The following BCKDHB variants were observed in gnomAD, a reference collection of about 807,000 sequenced individuals.
BCKDHB encodes branched chain keto acid dehydrogenase E1 subunit beta.
In BCKDHB, 41 loss-of-function variants were observed where a neutral mutation model predicts 48.5. The ratio of observed to expected loss-of-function variants is 0.85; its 90% CI spans 0.66 to 1.10. The LOEUF (loss-of-function observed/expected upper bound fraction) is 1.10. BCKDHB is among the 50% of genes least tolerant of loss of function. The pLI, the probability that BCKDHB is intolerant of heterozygous loss-of-function variation, is 0.00. For missense variants in BCKDHB, 496 were observed against 494.2 expected (o/e 1.00, Z -0.03); for synonymous variants, 201 against 174.8 (o/e 1.15, Z -1.18).
chr6:80,114,676 G>A (rs572933440), intron 1 of BCKDHB, among the ~76,000 whole-genome samples: 1 of 152,336 alleles, frequency 6.6e-6, no homozygotes, highest in East Asian at 1.9e-4. Context: ...GTGGAGGGTA[G>A]TGCCGTTTGC....
intron 5 of BCKDHB, chr6:80,169,790 CTTA>C (rs1772801588): frequency 6.3e-7 from 1 of 1,592,840 alleles, no homozygotes; most frequent in Admixed American, 1.7e-5. Flanking sequence ...TTCTTTTTTT[CTTA>C]TTTGTTTTTT....
At chr6:80,302,888 G>T (rs4706834) in intron 9 of BCKDHB, among the ~76,000 whole-genome samples, 58,541 of 151,968 alleles carry the variant, frequency 0.39, 12,931 homozygotes, top group Admixed American at 0.56. Context: ...TGAACATATG[G>T]AATGAAGCAG....
intron 8 of BCKDHB, among the ~76,000 whole-genome samples, chr6:80,218,561 C>A (rs1021480636): frequency 6.6e-6 from 1 of 152,130 alleles, no homozygotes; most frequent in Non-Finnish European, 1.5e-5. Context: ...CTGCTGTCTT[C>A]ATCTCATATT....
chr6:80,391,342 A>C, the BCKDHB span, among the ~76,000 whole-genome samples: 1 of 152,100 alleles, frequency 6.6e-6, no homozygotes, highest in African/African-American at 2.4e-5. Context: ...TCAGTTGAGG[A>C]TCTTGAGAGG....
At chr6:80,260,651 T>C (rs1777261167) in intron 8 of BCKDHB, among the ~76,000 whole-genome samples, 1 of 152,182 alleles carries the variant, frequency 6.6e-6, no homozygotes, top group Non-Finnish European at 1.5e-5. Flanking sequence ...TCTTGACTAG[T>C]TCATTGTTTT....
chr6:80,215,551 A>C (rs2127849127), intron 8 of BCKDHB, among the ~76,000 whole-genome samples: 1 of 152,338 alleles, frequency 6.6e-6, no homozygotes, highest in East Asian at 1.9e-4. Flanking sequence ...ATATTTGTTG[A>C]ACCATCTGAA....
chr6:80,340,237 T>G (rs1487245158), intron 9 of BCKDHB, among the ~76,000 whole-genome samples: 1 of 152,232 alleles, frequency 6.6e-6, no homozygotes, highest in Non-Finnish European at 1.5e-5. Context: ...GCTTTCACAT[T>G]GCCAACAGAA....
intron 8 of BCKDHB, among the ~76,000 whole-genome samples, chr6:80,224,361 A>G (rs1775589647): frequency 6.6e-6 from 1 of 152,046 alleles, no homozygotes; most frequent in South Asian, 2.1e-4. Flanking sequence ...TATGTCTACA[A>G]GCATTTCATT....
chr6:80,271,173 G>A (rs77811392), intron 8 of BCKDHB, among the ~76,000 whole-genome samples: 2 of 152,182 alleles, frequency 1.3e-5, no homozygotes, highest in East Asian at 3.9e-4. Context: ...CACTGCTGTG[G>A]TGGTTGTTTT....
the BCKDHB span, chr6:80,440,800 T>C: frequency 1.3e-5 from 2 of 152,184 alleles, no homozygotes; most frequent in African/African-American, 2.4e-5. Flanking sequence ...TTAATTTTCT[T>C]GCCATTTCAA....
At chr6:80,411,576 G>C in the BCKDHB span, among the ~76,000 whole-genome samples, 1 of 152,254 alleles carries the variant, frequency 6.6e-6, no homozygotes, top group Non-Finnish European at 1.5e-5. Context: ...CAGAGGTGGA[G>C]TCTATAGAGG....
At chr6:80,172,580 T>A (rs967287744) in intron 6 of BCKDHB, among the ~76,000 whole-genome samples, 2 of 152,146 alleles carry the variant, frequency 1.3e-5, no homozygotes, top group African/African-American at 4.8e-5. Context: ...ATATTGCAAC[T>A]ATGTTTCTGG....
At chr6:80,230,219 TA>T (rs1158868521) in intron 8 of BCKDHB, among the ~76,000 whole-genome samples, 2 of 150,884 alleles carry the variant, frequency 1.3e-5, no homozygotes, top group Admixed American at 6.6e-5. Flanking sequence ...TTTGTATTTT[TA>T]GTAGAGACGG....
chr6:80,421,176 G>C, the BCKDHB span, among the ~76,000 whole-genome samples: 1 of 152,058 alleles, frequency 6.6e-6, no homozygotes, highest in African/African-American at 2.4e-5. Context: ...AGTTCTCATG[G>C]ATCTGATGGT....
intron 1 of BCKDHB, among the ~76,000 whole-genome samples, chr6:80,124,409 C>T (rs1770222933): frequency 6.6e-6 from 1 of 152,108 alleles, no homozygotes; most frequent in Non-Finnish European, 1.5e-5. Flanking sequence ...TCTATTAGGT[C>T]CACTTGGTGC....
At chr6:80,149,352 C>T (rs905043944) in intron 3 of BCKDHB, among the ~76,000 whole-genome samples, 2 of 152,158 alleles carry the variant, frequency 1.3e-5, no homozygotes, top group Non-Finnish European at 2.9e-5. Flanking sequence ...AGAAATAGAA[C>T]ACTTTTATAC....
At chr6:80,356,887 C>T in the BCKDHB span, 1 of 151,510 alleles carries the variant, frequency 6.6e-6, no homozygotes, top group African/African-American at 2.4e-5. Flanking sequence ...TCACCCCCGA[C>T]TCCTTCTGCC....
intron 9 of BCKDHB, among the ~76,000 whole-genome samples, chr6:80,322,233 C>G (rs1331745551): frequency 1.0e-5 from 1 of 100,230 alleles, no homozygotes; most frequent in Non-Finnish European, 2.0e-5. Flanking sequence ...TTCTTTCTTT[C>G]TTTTCTTTTT....
Position 80,269,926 on chromosome 6 carries a change from G to A in BCKDHB, c.952-3209G>A, listed in dbSNP as rs1195747922. Reference sequence around the variant, plus strand: ...TTTCTTGACAGTTACATATTATTTTGCCTAGATATGTGAACATTAAAAGCC... The same window carrying A: ...TTTCTTGACAGTTACATATTATTTTACCTAGATATGTGAACATTAAAAGCC... On this transcript the variant is annotated intron_variant, in intron 8 of 9. Coordinates refer to ENST00000320393, the MANE Select transcript of BCKDHB (RefSeq NM_183050.4). Among the ~76,000 whole-genome samples, 3 of 151,994 alleles carry A rather than the reference G, an allele frequency of 2.0e-5. No individual in the cohort carries two copies. In the South Asian group the frequency reaches 6.2e-4, roughly 32 times the overall value.
Sources: gnomAD v4.1 joint callset for allele counts (sites outside exome capture counted in the v4.1 genomes callset) on GRCh38, gnomAD v4.1.1 for gene constraint, MANE v1.5 for transcripts, NCBI Gene and HGNC (gene_info 2026-07-23, HGNC 2026-07-21) for gene names.